The following SV2B variants were observed in gnomAD, a reference collection of about 807,000 sequenced individuals.
SV2B encodes solute carrier family 22 member B2.
In SV2B, 41 loss-of-function variants were observed where a neutral mutation model predicts 73.9. The ratio of observed to expected loss-of-function variants is 0.56; its 90% CI spans 0.43 to 0.72. The LOEUF is 0.72. Among genes scored for constraint, SV2B ranks in the 30% least tolerant of loss-of-function variants. SV2B has a pLI of 0.00. For missense variants in SV2B, 764 were observed against 857.8 expected, an observed-to-expected ratio of 0.89 and a Z score of 1.37; for synonymous variants, 314 against 314.2, an observed-to-expected ratio of 1.00 and a Z score of 0.01.
rs1011854032 is a variant in SV2B, at chr15:91,197,760, C to T, written c.-391-28113C>T. Reference sequence around the variant, plus strand: ...AAGTTTAAAAAATATGCAGCCAGGCCCGGTGGCCCACGCCTGTAATCCCAG... The same window carrying T: ...AAGTTTAAAAAATATGCAGCCAGGCTCGGTGGCCCACGCCTGTAATCCCAG... On this transcript the variant is annotated intron_variant, in intron 1 of 12. Transcript: ENST00000394232. This position sits in a 1 kb window ranked among gnomAD's most constrained non-coding sequence, Gnocchi z 4.9. 6.6e-6 allele frequency among the ~76,000 whole-genome samples: 1 copy of T among 151,838 alleles called. No homozygotes were observed. The highest frequency in any genetic ancestry group is 1.5e-5 in the Non-Finnish European group (1 of 67,946).
chr15:91,258,325 G>T lies in SV2B; in HGVS notation c.785-96G>T, dbSNP rs78804341. 5,467 of 1,536,226 alleles carry T rather than the reference G, an allele frequency of 3.6e-3. 168 individuals are homozygous for T. The African/African-American group carries it at 0.066, about 19-fold the overall frequency. On this transcript the variant is annotated intron_variant, in intron 4 of 12. Coordinates refer to ENST00000394232, the MANE Select transcript of SV2B (RefSeq NM_001323032.3). This position sits in a 1 kb window ranked among gnomAD's most constrained non-coding sequence, Gnocchi z 4.7. ...AACCACCTCCCCGGGTGACTCTCTT[G>T]TGCCCTGAAGTTTGTGAGCCAGGGC...
At chr15:91,257,744 C>T (rs1032873593) in intron 4 of SV2B, among the ~76,000 whole-genome samples, 1 of 152,196 alleles carries the variant, frequency 6.6e-6, no homozygotes, top group Non-Finnish European at 1.5e-5. Context: ...CTTCCTCTGG[C>T]TGCACCCCTT....
At chr15:91,225,516 TTTTTATTTTA>T (rs955562678) in intron 1 of SV2B, among the ~76,000 whole-genome samples, 3 of 152,178 alleles carry the variant, frequency 2.0e-5, no homozygotes, top group African/African-American at 4.8e-5. Context: ...TTGCATAACA[TTTTTATTTTA>T]TTTTATTTTA....
chr15:91,264,772 G>A (rs576312910), intron 6 of SV2B, among the ~76,000 whole-genome samples: 3 of 152,212 alleles, frequency 2.0e-5, no homozygotes, highest in African/African-American at 7.2e-5. Flanking sequence ...CCTCATTTTC[G>A]GGGTGGGAGT....
intron 1 of SV2B, among the ~76,000 whole-genome samples, chr15:91,117,343 C>T (rs1055803260): frequency 2.6e-5 from 4 of 152,234 alleles, no homozygotes; most frequent in African/African-American, 9.6e-5. Flanking sequence ...GGAGACAATA[C>T]AGTGCTCAGC....
Position 91,214,019 on chromosome 15 carries a change from T to C in SV2B, c.-391-11854T>C, listed in dbSNP as rs750245008. ...ATTGAATGGTATGTTCAAACACCTT[T>C]TGAAGTCATGTCAGATACCATCAAA... On this transcript the variant is annotated intron_variant, in intron 1 of 12. Transcript: ENST00000394232. The surrounding 1 kb of genome is among the most constrained non-coding windows in gnomAD (Gnocchi z 4.7). 3.3e-5 allele frequency among the ~76,000 whole-genome samples: 5 copies of C among 152,220 alleles called. No homozygotes were observed. Among genetic ancestry groups the C allele is most frequent in the African/African-American group, 4.8e-5 (2 of 41,458 alleles).
At chr15:91,201,052 T>C (rs1470306255) in intron 1 of SV2B, among the ~76,000 whole-genome samples, 1 of 152,238 alleles carries the variant, frequency 6.6e-6, no homozygotes, top group Admixed American at 6.5e-5. Flanking sequence ...GCTGCATTAT[T>C]GGCTATACTT....
chr15:91,168,867 C>T (rs2044013658), intron 1 of SV2B, among the ~76,000 whole-genome samples: 1 of 152,142 alleles, frequency 6.6e-6, no homozygotes. Flanking sequence ...CCAGAAGTCC[C>T]AGGTACATTA....
chr15:91,297,940 T>C lies in SV2B; in HGVS notation c.*5388T>C, dbSNP rs1596826362. On this transcript the variant is annotated 3_prime_UTR_variant, in exon 13 of 13. Transcript: ENST00000394232. The surrounding 1 kb of genome is among the most constrained non-coding windows in gnomAD (Gnocchi z 5.1). ...GGGTTGGTGATCTTTGTTTTGGCCA[T>C]TTCCACCTGGTGAAGATTTTCATAG... The C allele has an allele frequency of 6.6e-6, 1 of 152,222 alleles. No homozygotes were observed. Among genetic ancestry groups the C allele is most frequent in the Non-Finnish European group, 1.5e-5 (1 of 68,076 alleles). The allele number at this position is 152,222 out of a possible 1,614,324, so 9.4% of individuals were successfully genotyped here.
In SV2B at chr15:91,124,604, C is replaced by T. The variant is rs2042424409; in HGVS notation, c.-392+24241C>T. ...TATTCATTTGCTGGGGCTGCTATAA[C>T]AAAACACCATGGAACGGGTGATCTA... On this transcript the variant is annotated intron_variant, in intron 1 of 12. Coordinates refer to ENST00000394232, the MANE Select transcript of SV2B (RefSeq NM_001323032.3). The surrounding 1 kb of genome is among the most constrained non-coding windows in gnomAD (Gnocchi z 4.6). Among the ~76,000 whole-genome samples the T allele has an allele frequency of 6.6e-6, 1 of 152,122 alleles. No homozygotes were observed. The highest frequency in any genetic ancestry group is 1.5e-5 in the Non-Finnish European group (1 of 68,022).
intron 1 of SV2B, among the ~76,000 whole-genome samples, chr15:91,169,425 AT>A (rs2044040066): frequency 7.5e-6 from 1 of 132,848 alleles, no homozygotes; most frequent in African/African-American, 2.9e-5. Flanking sequence ...CAGCCCCCCC[AT>A]CCCCCACCCC....
In SV2B at chr15:91,236,274, A is replaced by G. The variant is rs1018792825; in HGVS notation, c.451+9560A>G. 1.3e-5 allele frequency among the ~76,000 whole-genome samples: 2 copies of G among 152,214 alleles called. No homozygotes were observed. The highest frequency in any genetic ancestry group is 2.4e-5 in the African/African-American group (1 of 41,452). On this transcript the variant is annotated intron_variant, in intron 2 of 12. Transcript: ENST00000394232. The surrounding 1 kb of genome is among the most constrained non-coding windows in gnomAD (Gnocchi z 4.1). ...GATGTTTAGTAACTACCAATTTGCT[A>G]ATTATCAGAATAAACATATGTTATT...
intron 2 of SV2B, among the ~76,000 whole-genome samples, chr15:91,235,254 C>T (rs1342375216): frequency 6.6e-6 from 1 of 152,190 alleles, no homozygotes; most frequent in Admixed American, 6.5e-5. Flanking sequence ...GACATTTCTG[C>T]TATAAGCACC....
rs2048648070 is a variant in SV2B at position 91,280,434 on chromosome 15, A to T, written c.1374-1294A>T. ...CAGGGACCATGACTTTCCTCTCTAT[A>T]CTCATAGCACCTAGTACCATGCTCA... On this transcript the variant is annotated intron_variant, in intron 9 of 12. Transcript: ENST00000394232. The surrounding 1 kb of genome is among the most constrained non-coding windows in gnomAD (Gnocchi z 5.8). Among the ~76,000 whole-genome samples the T allele has an allele frequency of 1.3e-5, 2 of 152,192 alleles. No homozygotes were observed. Among genetic ancestry groups the T allele is most frequent in the Admixed American group, 1.3e-4 (2 of 15,278 alleles).
intron 1 of SV2B, among the ~76,000 whole-genome samples, chr15:91,165,056 G>A (rs147644181): frequency 0.065 from 9,925 of 152,130 alleles, 433 homozygotes; most frequent in Non-Finnish European, 0.09. Flanking sequence ...TTTTTTTTAG[G>A]CTGGACATGG....
chr15:91,124,254 C>T lies in SV2B; in HGVS notation c.-392+23891C>T, dbSNP rs747596877. Among the ~76,000 whole-genome samples, 2 of 152,182 alleles carry T rather than the reference C, an allele frequency of 1.3e-5. No homozygotes were observed. The highest frequency in any genetic ancestry group is 2.4e-5 in the African/African-American group (1 of 41,432). On this transcript the variant is annotated intron_variant, in intron 1 of 12. Transcript: ENST00000394232. The surrounding 1 kb of genome is among the most constrained non-coding windows in gnomAD (Gnocchi z 4.6). ...GCTATTTATTCCCTCGGGGAAGTCACGAATCTGTCATTTGCGATTTTAGTT... is the reference window on the plus strand; with the variant it reads ...GCTATTTATTCCCTCGGGGAAGTCATGAATCTGTCATTTGCGATTTTAGTT...
chr15:91,130,827 T>C lies in SV2B; in HGVS notation c.-392+30464T>C, dbSNP rs1201456984. ...TTGGCCAAGCTTGTAGGAAAGAGGA[T>C]TGAAGGAAATGTCTTTAGGATGTGT... On this transcript the variant is annotated intron_variant, in intron 1 of 12. Transcript: ENST00000394232. The surrounding 1 kb of genome is among the most constrained non-coding windows in gnomAD (Gnocchi z 5.6). Among the ~76,000 whole-genome samples, 3 of 151,730 alleles carry C rather than the reference T, an allele frequency of 2.0e-5. No individual in the cohort carries two copies. The highest frequency in any genetic ancestry group is 1.3e-4 in the Admixed American group (2 of 15,236).
chr15:91,156,912 G>A (rs375411035), intron 1 of SV2B, among the ~76,000 whole-genome samples: 4 of 152,274 alleles, frequency 2.6e-5, no homozygotes, highest in East Asian at 3.9e-4. Context: ...TTGTTTTTAC[G>A]TAAAGTGTCG....
chr15:91,209,664 G>A (rs1260356758), intron 1 of SV2B, among the ~76,000 whole-genome samples: 1 of 152,142 alleles, frequency 6.6e-6, no homozygotes. Context: ...TAGAGACCTG[G>A]GTTTGAATCT....
Sources: allele counts gnomAD v4.1 joint callset (sites outside exome capture counted in the v4.1 genomes callset), GRCh38; gene constraint gnomAD v4.1.1; non-coding constraint Gnocchi (gnomAD v3.1); transcripts MANE v1.5; gene names NCBI Gene and HGNC (gene_info 2026-07-23, HGNC 2026-07-21).